The following KAZN variants were observed in gnomAD, a reference collection of about 807,000 sequenced individuals.
KAZN encodes the protein kazrin.
In KAZN, 40 loss-of-function variants were observed where a neutral mutation model predicts 87.4. That is an observed-to-expected ratio of 0.46 (90% CI 0.36 to 0.60). KAZN has a LOEUF of 0.60. Ranked by LOEUF, KAZN falls within the 20% of genes least tolerant of loss-of-function variation. The pLI, the probability that KAZN is intolerant of heterozygous loss-of-function variation, is 0.00. For missense variants in KAZN, 898 were observed against 1,073.9 expected (o/e 0.84, Z 2.29); for synonymous variants, 466 against 458.3 (o/e 1.02, Z -0.22).
At chr1:14,026,174 A>G (rs1641061198) in intron 1 of KAZN, among the ~76,000 whole-genome samples, 1 of 152,196 alleles carries the variant, frequency 6.6e-6, no homozygotes, top group African/African-American at 2.4e-5. Flanking sequence ...TAATATATAT[A>G]AATTCCTTAT....
intron 1 of KAZN, among the ~76,000 whole-genome samples, chr1:13,983,549 C>T (rs1428966594): frequency 6.6e-6 from 1 of 152,184 alleles, no homozygotes; most frequent in Admixed American, 6.5e-5. Flanking sequence ...CCTCTCCCTC[C>T]ACACCTCCCT....
chr1:14,511,157 T>C (rs2148445166), intron 2 of KAZN, among the ~76,000 whole-genome samples: 1 of 152,252 alleles, frequency 6.6e-6, no homozygotes, highest in East Asian at 1.9e-4. Context: ...TATTCATTCA[T>C]TTCCACTCAC....
rs2100536831 is a variant in KAZN at position 14,230,268 on chromosome 1, G to A, written c.249+49676G>A. On this transcript the variant is annotated intron_variant, in intron 2 of 16. Coordinates refer to the KAZN transcript ENST00000636203. ...CTGAGTTACATAAAATTTCCAAGGT[G>A]ACTTGGGAAGTTGTTTCTTACAAAA... is the stretch of plus-strand genomic sequence containing the variant. 1.3e-5 allele frequency among the ~76,000 whole-genome samples: 2 copies of A among 152,314 alleles called. 1 individual carries two copies. The highest frequency in any genetic ancestry group is 4.2e-4 in the South Asian group (2 of 4,818).
At chr1:14,898,017 T>C (rs1056453120) in intron 1 of KAZN, among the ~76,000 whole-genome samples, 1 of 152,190 alleles carries the variant, frequency 6.6e-6, no homozygotes, top group Non-Finnish European at 1.5e-5. Context: ...TTCCACTTCA[T>C]AGGGTTTTTG....
chr1:14,373,040 GAGT>G (rs1170825203), intron 2 of KAZN, among the ~76,000 whole-genome samples: 9 of 152,102 alleles, frequency 5.9e-5, no homozygotes, highest in African/African-American at 2.2e-4. Context: ...CCTGTAGGAT[GAGT>G]AGGAGGTTGC....
Position 14,638,552 on chromosome 1 carries a change from G to C in KAZN, c.226+39329G>C, listed in dbSNP as rs138463128. Among the ~76,000 whole-genome samples, 849 of 139,094 alleles carry C rather than the reference G, an allele frequency of 6.1e-3. 8 individuals carry two copies. The highest frequency in any genetic ancestry group is 8.5e-3 in the Admixed American group (120 of 14,098). 91.3% of individuals were successfully genotyped at this position (139,094 alleles called of 152,430 possible). ...CCACGGCACTCCAGCCTGGGCAACA[G>C]AGCAAGACTCCGTCTCAAAAAAAAA... is the stretch of plus-strand genomic sequence containing the variant. On this transcript the variant is annotated intron_variant, in intron 1 of 14. Transcript: ENST00000376030.
At chr1:14,054,402 T>A (rs753816731) in intron 1 of KAZN, among the ~76,000 whole-genome samples, 2 of 152,228 alleles carry the variant, frequency 1.3e-5, no homozygotes, top group East Asian at 3.9e-4. Context: ...CCCTACCCTG[T>A]AGGCCACTTT....
Position 14,030,509 on chromosome 1 carries a change from C to T in KAZN, c.91+136753C>T, listed in dbSNP as rs763187738. On this transcript the variant is annotated intron_variant, in intron 1 of 16. Coordinates refer to the KAZN transcript ENST00000636203. ...GACGAGTTAGTGGGTGCAGCGCACC[C>T]GCATGGCACATGTATACATATGTAA... Among the ~76,000 whole-genome samples, 132 of 151,908 alleles carry T rather than the reference C, an allele frequency of 8.7e-4. 1 individual carries two copies. Among genetic ancestry groups the T allele is most frequent in the Non-Finnish European group, 1.1e-3 (76 of 67,946 alleles).
At chr1:15,007,109 T>G (rs988157460) in intron 2 of KAZN, among the ~76,000 whole-genome samples, 1 of 150,870 alleles carries the variant, frequency 6.6e-6, no homozygotes, top group African/African-American at 2.4e-5. Context: ...AAGGATTGAT[T>G]GATGATACTC....
At chr1:14,455,242 T>G (rs774939655) in intron 2 of KAZN, among the ~76,000 whole-genome samples, 1 of 152,244 alleles carries the variant, frequency 6.6e-6, no homozygotes, top group Non-Finnish European at 1.5e-5. Flanking sequence ...TCAGTTATCA[T>G]AAAAATATCA....
chr1:14,126,671 A>T (rs1644876433), intron 1 of KAZN, among the ~76,000 whole-genome samples: 1 of 152,068 alleles, frequency 6.6e-6, no homozygotes, highest in Admixed American at 6.5e-5. Flanking sequence ...AGGTGAAGTG[A>T]TTTCCCCAAT....
At chr1:14,514,497 G>A (rs184889643) in intron 2 of KAZN, among the ~76,000 whole-genome samples, 4,262 of 7,226 alleles carry the variant, frequency 0.59, 832 homozygotes, top group African/African-American at 0.64. Context: ...ATTTATATAT[G>A]TAAAATATAT....
chr1:14,470,089 G>C (rs1015994623), intron 2 of KAZN, among the ~76,000 whole-genome samples: 1 of 152,176 alleles, frequency 6.6e-6, no homozygotes, highest in East Asian at 1.9e-4. Flanking sequence ...TCTTTTTAAG[G>C]CTGCATGCCT....
At chr1:14,935,148 GCTA>G (rs1167315246) in intron 1 of KAZN, among the ~76,000 whole-genome samples, 1 of 152,200 alleles carries the variant, frequency 6.6e-6, no homozygotes, top group Admixed American at 6.5e-5. Context: ...AGGGACAGAG[GCTA>G]CCCCTTGGGT....
At chr1:14,770,983 C>T (rs1645004295) in intron 1 of KAZN, among the ~76,000 whole-genome samples, 1 of 152,092 alleles carries the variant, frequency 6.6e-6, no homozygotes, top group African/African-American at 2.4e-5. Flanking sequence ...ACAGGTGTTC[C>T]CATGTTCAGT....
At chr1:14,339,731 T>G (rs1452735360) in intron 2 of KAZN, among the ~76,000 whole-genome samples, 2 of 152,216 alleles carry the variant, frequency 1.3e-5, no homozygotes, top group African/African-American at 4.8e-5. Flanking sequence ...GCAATTTAAA[T>G]GTTAGTTTTA....
intron 2 of KAZN, among the ~76,000 whole-genome samples, chr1:14,316,032 C>T (rs1655634168): frequency 6.6e-6 from 1 of 151,986 alleles, no homozygotes; most frequent in Non-Finnish European, 1.5e-5. Context: ...ATTAACTTTC[C>T]CGTAGCTCCG....
At chr1:13,988,872 A>T (rs975244485) in intron 1 of KAZN, among the ~76,000 whole-genome samples, 5 of 152,176 alleles carry the variant, frequency 3.3e-5, no homozygotes, top group Non-Finnish European at 7.4e-5. Context: ...TTTGCAGACA[A>T]TCTCAGGAAT....
chr1:14,787,818 G>A (rs1645553883), intron 1 of KAZN, among the ~76,000 whole-genome samples: 2 of 152,196 alleles, frequency 1.3e-5, no homozygotes, highest in Admixed American at 1.3e-4. Flanking sequence ...CAATAGCCCA[G>A]GGAGGTGATG....
Sources: allele counts gnomAD v4.1 joint callset (sites outside exome capture counted in the v4.1 genomes callset), GRCh38; gene constraint gnomAD v4.1.1; transcripts MANE v1.5; gene names NCBI Gene and HGNC (gene_info 2026-07-23, HGNC 2026-07-21).